RABEP2: variants seen among roughly 807,000 people sequenced by gnomAD.
The protein encoded by RABEP2 is rab GTPase-binding effector protein 2.
RABEP2 carries 57 observed loss-of-function variants against 74.1 expected under a neutral mutation model. The observed-to-expected ratio is 0.77, with a 90% CI of 0.62 to 0.96. RABEP2 has a LOEUF of 0.96. RABEP2 is among the 40% of genes least tolerant of loss of function. The pLI is 0.00. For missense variants in RABEP2, 692 were observed against 756.3 expected (o/e 0.91, Z 1.00); for synonymous variants, 351 against 344.0 (o/e 1.02, Z -0.23).
In RABEP2 at chr16:28,906,171, G is replaced by A. The variant is rs369261936; in HGVS notation, c.1271C>T (p.Thr424Met). The A allele has an allele frequency of 4.0e-5, 63 of 1,591,218 alleles. No homozygotes were observed. Among genetic ancestry groups the A allele is most frequent in the Admixed American group, 3.0e-4 (17 of 57,126 alleles). The change falls in exon 9 of 13, where the codon ACG becomes ATG. Residue 424 changes from threonine to methionine, a missense_variant. Physicochemically the swap from Thr to Met is moderately conservative, Grantham distance 81. Transcript: ENST00000358201. The stretch of plus-strand genomic sequence containing the variant: ...CAGCCGGGCCCTCGCCTCTTGCCGC[G>A]TGCAGCACAGCAGCTGCTGCAGCTC... ...VPELQQLLCC[T>M]RQEARARLQA...
At chr16:28,913,447 A>G (rs1964340648) in intron 5 of RABEP2, among the ~76,000 whole-genome samples, 1 of 152,020 alleles carries the variant, frequency 6.6e-6, no homozygotes, top group Admixed American at 6.6e-5. Flanking sequence ...TAATTTACCC[A>G]TGTTAAATAT....
intron 3 of RABEP2, among the ~76,000 whole-genome samples, chr16:28,919,016 A>T (rs1179596900): frequency 6.6e-6 from 1 of 152,090 alleles, no homozygotes; most frequent in Admixed American, 6.6e-5. Flanking sequence ...ACTCCCTTCT[A>T]TGTGCGTAAA....
intron 8 of RABEP2, among the ~76,000 whole-genome samples, chr16:28,907,009 T>C (rs181275145): frequency 1.3e-5 from 2 of 151,792 alleles, no homozygotes; most frequent in East Asian, 1.9e-4. Context: ...TCAAGAACAA[T>C]GAAAGTTAAG....
chr16:28,907,926 A>C (rs1238192487), intron 8 of RABEP2, among the ~76,000 whole-genome samples: 1 of 152,126 alleles, frequency 6.6e-6, no homozygotes, highest in Non-Finnish European at 1.5e-5. Context: ...CAGCCTACCG[A>C]GTAGCTGGGA....
At chr16:28,922,522 C>T (rs1400261079) in intron 2 of RABEP2, among the ~76,000 whole-genome samples, 1 of 151,954 alleles carries the variant, frequency 6.6e-6, no homozygotes, top group Non-Finnish European at 1.5e-5. Flanking sequence ...GAGATCGAGA[C>T]CATCCTGGCT....
rs745310211 is a variant in RABEP2 at position 28,924,511 on chromosome 16, T to C, written c.166A>G (p.Thr56Ala). ...CTCACCTCTGCCACAGCCTTCATGGTTTCCATTTCTGCCAGGGCGCCTGCC... is the reference window on the plus strand; with the variant it reads ...CTCACCTCTGCCACAGCCTTCATGGCTTCCATTTCTGCCAGGGCGCCTGCC... ...ELAGALAEMETMKAVAEVSES... is the reference protein window; with the variant it reads ...ELAGALAEMEAMKAVAEVSES... Residue 56 changes from threonine to alanine, a missense_variant, in exon 2 of 13, where the codon ACC becomes GCC. Coordinates refer to ENST00000358201, the MANE Select transcript of RABEP2 (RefSeq NM_024816.3). 15 of 1,613,982 alleles carry C rather than the reference T, an allele frequency of 9.3e-6. No homozygotes were observed. The highest frequency in any genetic ancestry group is 1.3e-5 in the Non-Finnish European group (15 of 1,179,992).
In RABEP2 at chr16:28,908,735, C is replaced by T; in HGVS notation, c.1119G>A (p.Leu373=). The change falls in exon 8 of 13, where the codon CTG becomes CTA. Residue 373 remains leucine, a synonymous_variant. Coordinates refer to ENST00000358201, the MANE Select transcript of RABEP2 (RefSeq NM_024816.3). The stretch of plus-strand genomic sequence containing the variant: ...CATTCAACCGCTTTACCTCATGGTG[C>T]AGGCACTTGTGGGTGGTGACCAGCT... ...MAELVTTHKC[L]HHEVKRLNEE... 1 of 1,614,170 alleles carries T rather than the reference C, an allele frequency of 6.2e-7. No individual in the cohort carries two copies. Among genetic ancestry groups the T allele is most frequent in the Non-Finnish European group, 8.5e-7 (1 of 1,180,026 alleles).
intron 2 of RABEP2, chr16:28,921,129 G>A (rs1310013980): frequency 2.2e-6 from 1 of 454,326 alleles, no homozygotes; most frequent in Non-Finnish European, 4.4e-6. Context: ...CTCCCAAAGT[G>A]CTGGGATTAC....
chr16:28,905,417 G>A lies in RABEP2; in HGVS notation c.1588C>T (p.Arg530Ter). 4 of 1,606,172 alleles carry A rather than the reference G, an allele frequency of 2.5e-6. No homozygotes were observed. Among genetic ancestry groups the A allele is most frequent in the South Asian group, 1.1e-5 (1 of 89,178 alleles). The part of the protein sequence containing the change: ...TSEQVQRDFV[R>*]LSQALQVRLE... ...CATACCTGCAGGGCCTGGGACAGTCGCACGAAATCCCTCTGCACCTGCTCA... is the reference window on the plus strand; with the variant it reads ...CATACCTGCAGGGCCTGGGACAGTCACACGAAATCCCTCTGCACCTGCTCA... Residue 530 changes from arginine to a stop codon, truncating the protein, a stop_gained, in exon 12 of 13, where the codon CGA (arginine) becomes TGA (stop). Coordinates refer to ENST00000358201, the MANE Select transcript of RABEP2 (RefSeq NM_024816.3). LOFTEE classifies it high-confidence loss of function.
Position 28,920,011 on chromosome 16 carries a change from G to C in RABEP2, c.275-68C>G. ...AGCCAGCCCTGCCTGTGGGCGAGCA[G>C]GGGACTCTTGATGCACTGACTCTTT... On this transcript the variant is annotated intron_variant, in intron 2 of 12. Coordinates refer to ENST00000358201, the MANE Select transcript of RABEP2 (RefSeq NM_024816.3). The C allele has an allele frequency of 5.4e-6, 8 of 1,469,082 alleles. 1 individual carries two copies. The South Asian group carries it at 1.1e-4, about 20-fold the overall frequency. 91.0% of individuals were successfully genotyped at this position (1,469,082 alleles called of 1,614,324 possible).
chr16:28,911,950 A>C (rs1288989221), intron 5 of RABEP2, among the ~76,000 whole-genome samples: 2 of 151,272 alleles, frequency 1.3e-5, no homozygotes, highest in African/African-American at 4.9e-5. Flanking sequence ...CTCCATCTTA[A>C]AAAAAGTGGA....
Position 28,904,964 on chromosome 16 carries a change from G to A in RABEP2, c.1689C>T (p.Val563=), listed in dbSNP as rs377469067. 9 of 1,612,840 alleles carry A rather than the reference G, an allele frequency of 5.6e-6. No homozygotes were observed. Among genetic ancestry groups the A allele is most frequent in the African/African-American group, 5.3e-5 (4 of 75,056 alleles). ...CCCCTCAGGTGTCCTTGATGTCCCTGACGTCCGTGAGTGGCGCCTCATCCA... is the reference window on the plus strand; with the variant it reads ...CCCCTCAGGTGTCCTTGATGTCCCTAACGTCCGTGAGTGGCGCCTCATCCA... The part of the protein sequence containing the change: ...SIMDEAPLTD[V]RDIKDT The change falls in exon 13 of 13, where the codon GTC becomes GTT. Residue 563 remains valine, a synonymous_variant. Transcript: ENST00000358201.
Position 28,904,613 on chromosome 16 carries a change from C to A in RABEP2, c.*330G>T. ...GGGACTCCCAGCCCCCATGGCTCCG[C>A]TGTGCCCTGGGCAGGGGACGGGCTG... On this transcript the variant is annotated 3_prime_UTR_variant, in exon 13 of 13. Coordinates refer to ENST00000358201, the MANE Select transcript of RABEP2 (RefSeq NM_024816.3). The A allele has an allele frequency of 9.1e-7, 1 of 1,101,790 alleles. No individual in the cohort carries two copies. The highest frequency in any genetic ancestry group is 1.2e-6 in the Non-Finnish European group (1 of 814,682). 68.3% of individuals were successfully genotyped at this position (1,101,790 alleles called of 1,614,324 possible).
intron 1 of RABEP2, 198 bp from the exon 2 acceptor site, chr16:28,924,813 G>A: frequency 1.4e-6 from 1 of 696,070 alleles, no homozygotes; most frequent in South Asian, 1.5e-5. Flanking sequence ...CCATCTCTTC[G>A]CGGTGGCCAG....
chr16:28,910,586 T>C (rs2152219520), intron 7 of RABEP2: 2 of 283,312 alleles, frequency 7.1e-6, no homozygotes, highest in South Asian at 1.3e-4. Flanking sequence ...GATTTGATTT[T>C]AATCCTCATG....
At chr16:28,914,892 AAG>A in intron 3 of RABEP2, 110 bp from the exon 4 acceptor site, 1 of 877,614 alleles carries the variant, frequency 1.1e-6, no homozygotes, top group Non-Finnish European at 1.8e-6. Context: ...TCCTCCCTAG[AAG>A]GTGCTGTCCA....
chr16:28,922,833 G>T (rs760535685), intron 2 of RABEP2, among the ~76,000 whole-genome samples: 15 of 151,988 alleles, frequency 9.9e-5, no homozygotes, highest in Non-Finnish European at 2.2e-4. Context: ...GGTGGAGGTT[G>T]CAGTGAGCTG....
rs1376424537 is a variant in RABEP2 at position 28,914,540 on chromosome 16, A to G, written c.590T>C (p.Leu197Pro). ...APSLHGSTEL[L>P]PLSRDPSPPL... ...GGGCGATGGATCCCGGGACAGGGGCAGCAACTCCGTGGAGCCGTGCAGGGA... is the reference window on the plus strand; with the variant it reads ...GGGCGATGGATCCCGGGACAGGGGCGGCAACTCCGTGGAGCCGTGCAGGGA... Residue 197 changes from leucine (L) to proline (P), a missense_variant, in exon 5 of 13, where the codon CTG becomes CCG. Coordinates refer to ENST00000358201, the MANE Select transcript of RABEP2 (RefSeq NM_024816.3). The G allele has an allele frequency of 6.2e-7, 1 of 1,612,260 alleles. No individual in the cohort carries two copies. The highest frequency in any genetic ancestry group is 8.5e-7 in the Non-Finnish European group (1 of 1,179,070).
At chr16:28,911,462 A>C (rs894796620) in intron 5 of RABEP2, among the ~76,000 whole-genome samples, 1 of 151,614 alleles carries the variant, frequency 6.6e-6, no homozygotes. Flanking sequence ...AGGAGTTCAA[A>C]ACCAGCCTGG....
Sources: gnomAD v4.1 joint callset for allele counts (sites outside exome capture counted in the v4.1 genomes callset) on GRCh38, gnomAD v4.1.1 for gene constraint, MANE v1.5 for transcripts, NCBI Gene and HGNC (gene_info 2026-07-23, HGNC 2026-07-21) for gene names.